MED9: variants seen among roughly 807,000 people sequenced by gnomAD.
MED9 encodes mediator complex subunit 9, also known as mediator of RNA polymerase II transcription subunit 9.
In MED9, 8 loss-of-function variants were observed where a neutral mutation model predicts 13.2. That is an observed-to-expected ratio of 0.61 (90% CI 0.36 to 1.10). The LOEUF is 1.10. Among genes scored for constraint, MED9 ranks in the 50% least tolerant of loss-of-function variants. The pLI is 0.02. For synonymous variants in MED9, 87 were observed against 82.8 expected, an observed-to-expected ratio of 1.05 and a Z score of -0.28; for missense variants, 180 against 193.4, an observed-to-expected ratio of 0.93 and a Z score of 0.41.
chr17:17,481,410 C>A (rs1355830040), intron 1 of MED9, among the ~76,000 whole-genome samples: 1 of 152,174 alleles, frequency 6.6e-6, no homozygotes, highest in Non-Finnish European at 1.5e-5. Flanking sequence ...ATAAAAGTAA[C>A]AACTGCAAGT....
chr17:17,489,370 CT>C (rs1433641917), intron 1 of MED9, among the ~76,000 whole-genome samples: 1 of 152,176 alleles, frequency 6.6e-6, no homozygotes, highest in Non-Finnish European at 1.5e-5. Flanking sequence ...ACTAAATTTT[CT>C]TTTGGGCCAG....
intron 1 of MED9, among the ~76,000 whole-genome samples, chr17:17,481,410 C>T (rs1355830040): frequency 2.0e-5 from 3 of 152,174 alleles, no homozygotes; most frequent in Admixed American, 6.5e-5. Flanking sequence ...ATAAAAGTAA[C>T]AACTGCAAGT....
Position 17,483,565 on chromosome 17 carries a change from A to G in MED9, c.224+6300A>G, listed in dbSNP as rs1341901543. Among the ~76,000 whole-genome samples, 1 of 152,248 alleles carries G rather than the reference A, an allele frequency of 6.6e-6. No individual in the cohort carries two copies. ...ACAGCCCTGCTTGGAGTTGGAACCC[A>G]TAGCACTTTCATCTCTTCTAGTGTC... On this transcript the variant is annotated intron_variant, in intron 1 of 1. Transcript: ENST00000268711. This position sits in a 1 kb window ranked among gnomAD's most constrained non-coding sequence, Gnocchi z 4.2.
chr17:17,483,877 C>T lies in MED9; in HGVS notation c.224+6612C>T, dbSNP rs1240845538. Among the ~76,000 whole-genome samples the T allele has an allele frequency of 6.7e-6, 1 of 149,788 alleles. No homozygotes were observed. Among genetic ancestry groups the T allele is most frequent in the Non-Finnish European group, 1.5e-5 (1 of 67,808 alleles). On this transcript the variant is annotated intron_variant, in intron 1 of 1. Transcript: ENST00000268711. The surrounding 1 kb of genome is among the most constrained non-coding windows in gnomAD (Gnocchi z 4.2). ...GCTTGAACCCGGGAGGCGGAGGTTG[C>T]AGTGAGCCACGATCGCACCATTGCA...
In MED9 at chr17:17,477,147, C is replaced by T; in HGVS notation, c.106C>T (p.Pro36Ser). The change falls in exon 1 of 2, where the codon CCG becomes TCG. Residue 36 changes from proline to serine, a missense_variant. Physicochemically the swap from Pro to Ser is moderately conservative, Grantham distance 74 (BLOSUM62 -1). Coordinates refer to ENST00000268711, the MANE Select transcript of MED9 (RefSeq NM_018019.3). The stretch of plus-strand genomic sequence containing the variant: ...CAAGCCGCTGCCGCCTCCTCAGCCG[C>T]CGCCGGTCCCTGCGCCTCAACCGCA... ...DTKPLPPPQPPPVPAPQPQQS... is the reference protein window; with the variant it reads ...DTKPLPPPQPSPVPAPQPQQS... 1 of 1,608,626 alleles carries T rather than the reference C, an allele frequency of 6.2e-7. No homozygotes were observed. Among genetic ancestry groups the T allele is most frequent in the Non-Finnish European group, 8.5e-7 (1 of 1,177,990 alleles).
rs1381808063 is a variant in MED9 at position 17,491,701 on chromosome 17, T to G, written c.*206T>G. 1.5e-5 allele frequency: 9 copies of G among 581,892 alleles called. No homozygotes were observed. Among genetic ancestry groups the G allele is most frequent in the Admixed American group, 3.0e-5 (1 of 33,236 alleles). 36.0% of individuals were successfully genotyped at this position (581,892 alleles called of 1,614,324 possible). A position where few individuals can be genotyped will look rare whatever the true frequency, so the allele number is the denominator to read the frequency against. On this transcript the variant is annotated 3_prime_UTR_variant, in exon 2 of 2. Coordinates refer to ENST00000268711, the MANE Select transcript of MED9 (RefSeq NM_018019.3). Reference sequence around the variant, plus strand: ...CTGCGCCGGGGGTTCCTCGTGTAGATCCATATGTCTAGATGCATAATAACT... The same window carrying G: ...CTGCGCCGGGGGTTCCTCGTGTAGAGCCATATGTCTAGATGCATAATAACT...
At chr17:17,488,085 T>TA (rs1463296849) in intron 1 of MED9, 3 of 152,216 alleles carry the variant, frequency 2.0e-5, no homozygotes, top group African/African-American at 7.2e-5. Context: ...TGTCATTTTT[T>TA]AAAAAAGTGA....
chr17:17,478,654 T>G (rs1904970634), intron 1 of MED9, among the ~76,000 whole-genome samples: 1 of 152,104 alleles, frequency 6.6e-6, no homozygotes, highest in Non-Finnish European at 1.5e-5. Flanking sequence ...GGTCAGAGTT[T>G]GAGACCAGCC....
intron 1 of MED9, chr17:17,486,944 T>C (rs2142474912): frequency 1.3e-5 from 2 of 152,452 alleles, no homozygotes; most frequent in South Asian, 4.1e-4. Context: ...GCTGCTCTGG[T>C]GGGGACGTGG....
Position 17,492,574 on chromosome 17 carries a change from T to C in MED9, c.*1079T>C, listed in dbSNP as rs1178955587. 6.6e-6 allele frequency: 1 copy of C among 152,288 alleles called. No homozygotes were observed. Among genetic ancestry groups the C allele is most frequent in the Non-Finnish European group, 1.5e-5 (1 of 68,070 alleles). The allele number at this position is 152,288 out of a possible 1,614,324, so 9.4% of individuals were successfully genotyped here. ...AACAGCCTCATTTCCCCAGCTTCCC[T>C]GATTTCTTCCAGATGGGACGTTTTA... On this transcript the variant is annotated 3_prime_UTR_variant, in exon 2 of 2. Transcript: ENST00000268711.
rs1047498918 is a variant in MED9 at position 17,483,755 on chromosome 17, G to A, written c.224+6490G>A. Among the ~76,000 whole-genome samples the A allele has an allele frequency of 4.6e-5, 7 of 152,100 alleles. No homozygotes were observed. Among genetic ancestry groups the A allele is most frequent in the Admixed American group, 2.6e-4 (4 of 15,258 alleles). ...AGATCGAGACCATCCTGGCCAACACGGTGAAACCCTGTCTCTGCTAAAAAT... is the reference window on the plus strand; with the variant it reads ...AGATCGAGACCATCCTGGCCAACACAGTGAAACCCTGTCTCTGCTAAAAAT... On this transcript the variant is annotated intron_variant, in intron 1 of 1. Transcript: ENST00000268711. This position sits in a 1 kb window ranked among gnomAD's most constrained non-coding sequence, Gnocchi z 4.2.
rs1322408423 is a variant in MED9, at chr17:17,491,659, G to A, written c.*164G>A. ...CTGCGCGCGCTTCGCCTGTGCGGGAGCCAGCGCAGAGCTTGGCTGCGCCGG... is the reference window on the plus strand; with the variant it reads ...CTGCGCGCGCTTCGCCTGTGCGGGAACCAGCGCAGAGCTTGGCTGCGCCGG... On this transcript the variant is annotated 3_prime_UTR_variant, in exon 2 of 2. Transcript: ENST00000268711. 4.4e-6 allele frequency: 3 copies of A among 677,060 alleles called. No homozygotes were observed. The highest frequency in any genetic ancestry group is 7.5e-6 in the Non-Finnish European group (3 of 402,374). 41.9% of individuals were successfully genotyped at this position (677,060 alleles called of 1,614,324 possible). A position where few individuals can be genotyped will look rare whatever the true frequency, so the allele number is the denominator to read the frequency against.
rs1029974698 is a variant in MED9, at chr17:17,483,912, G to A, written c.224+6647G>A. The stretch of plus-strand genomic sequence containing the variant: ...CGATCGCACCATTGCACTCCAGCCT[G>A]GCGACAGAGCGAGACTCCATCTCAA... On this transcript the variant is annotated intron_variant, in intron 1 of 1. Coordinates refer to ENST00000268711, the MANE Select transcript of MED9 (RefSeq NM_018019.3). This position sits in a 1 kb window ranked among gnomAD's most constrained non-coding sequence, Gnocchi z 4.2. Among the ~76,000 whole-genome samples the A allele has an allele frequency of 1.3e-5, 2 of 150,706 alleles. No individual in the cohort carries two copies. The highest frequency in any genetic ancestry group is 3.0e-5 in the Non-Finnish European group (2 of 67,716).
intron 1 of MED9, among the ~76,000 whole-genome samples, chr17:17,479,923 C>T (rs1905001878): frequency 6.6e-6 from 1 of 152,144 alleles, no homozygotes; most frequent in Non-Finnish European, 1.5e-5. Context: ...TGGCCTATCC[C>T]CAGATCTCAG....
chr17:17,478,064 C>T (rs995283256), intron 1 of MED9, among the ~76,000 whole-genome samples: 2 of 152,274 alleles, frequency 1.3e-5, no homozygotes, highest in African/African-American at 2.4e-5. Flanking sequence ...GGCGTGATCT[C>T]GGCTCACTGC....
At position 17,477,238 on chromosome 17, in the gene MED9, T is replaced by C; in HGVS notation, c.197T>C (p.Leu66Ser). Reference protein sequence around the residue: ...RAREEENYSFLPLVHNIIKCM... With the variant: ...RAREEENYSFSPLVHNIIKCM... ...AGGGAGGAAGAGAACTACTCCTTTT[T>C]ACCTTTGGTTCACAACATCATCAAA... is the stretch of plus-strand genomic sequence containing the variant. Residue 66 changes from leucine (L) to serine (S), a missense_variant, in exon 1 of 2, where the codon TTA becomes TCA. Transcript: ENST00000268711. 1.2e-6 allele frequency: 2 copies of C among 1,605,834 alleles called. No individual in the cohort carries two copies. The highest frequency in any genetic ancestry group is 8.5e-7 in the Non-Finnish European group (1 of 1,175,130).
intron 1 of MED9, among the ~76,000 whole-genome samples, chr17:17,479,076 T>C (rs1412161566): frequency 6.6e-6 from 1 of 152,176 alleles, no homozygotes; most frequent in Admixed American, 6.5e-5. Flanking sequence ...AGGACAGCTC[T>C]TGAACTCCCC....
chr17:17,478,407 G>A (rs1464952478), intron 1 of MED9, among the ~76,000 whole-genome samples: 1 of 152,196 alleles, frequency 6.6e-6, no homozygotes, highest in Non-Finnish European at 1.5e-5. Flanking sequence ...CAACGTGAAG[G>A]TCTTGACTGT....
chr17:17,478,787 G>C (rs1904973773), intron 1 of MED9, among the ~76,000 whole-genome samples: 1 of 151,946 alleles, frequency 6.6e-6, no homozygotes, highest in Non-Finnish European at 1.5e-5. Context: ...AACCCGGGAG[G>C]TGGAGGTTGC....
Sources: allele counts gnomAD v4.1 joint callset (sites outside exome capture counted in the v4.1 genomes callset), GRCh38; gene constraint gnomAD v4.1.1; non-coding constraint Gnocchi (gnomAD v3.1); transcripts MANE v1.5; gene names NCBI Gene and HGNC (gene_info 2026-07-23, HGNC 2026-07-21).